The following RERE variants were observed in gnomAD, a reference collection of about 807,000 sequenced individuals.
The protein encoded by RERE is arginine-glutamic acid dipeptide repeats, also known as arginine-glutamic acid dipeptide repeats protein.
In RERE, 40 loss-of-function variants were observed where a neutral mutation model predicts 146.1. The ratio of observed to expected loss-of-function variants is 0.27; its 90% CI spans 0.21 to 0.36. RERE has a LOEUF of 0.36. RERE is among the 10% of genes least tolerant of loss of function. The pLI is 1.00. For synonymous variants in RERE, 1,003 were observed against 866.0 expected (o/e 1.16, Z -2.78); for missense variants, 1,933 against 2,138.7 (o/e 0.90, Z 1.90).
Position 8,546,998 on chromosome 1 carries a change from T to TA in RERE, c.726-5681dup, listed in dbSNP as rs549592216. Among the ~76,000 whole-genome samples, 26 of 151,936 alleles carry TA rather than the reference T, an allele frequency of 1.7e-4. 1 individual carries two copies. The highest frequency in any genetic ancestry group is 6.0e-4 in the African/African-American group (25 of 41,466). ...AACAATGGTAAAACATCCATGTTCT[T>TA]AGATAGGAAAACTCAAACTGGCATT... On this transcript the variant is annotated intron_variant, in intron 6 of 22. Transcript: ENST00000400908.
At chr1:8,510,277 G>A (rs950814959) in intron 7 of RERE, among the ~76,000 whole-genome samples, 2 of 152,030 alleles carry the variant, frequency 1.3e-5, no homozygotes, top group African/African-American at 4.8e-5. Context: ...CCAAAATGAG[G>A]CGGCTTCAAG....
chr1:8,549,717 A>C (rs1645911078), intron 6 of RERE, among the ~76,000 whole-genome samples: 1 of 152,238 alleles, frequency 6.6e-6, no homozygotes, highest in Non-Finnish European at 1.5e-5. Flanking sequence ...AGCCACATTC[A>C]TCAAGTGGAC....
intron 1 of RERE, among the ~76,000 whole-genome samples, chr1:8,755,267 T>C (rs761021745): frequency 6.6e-6 from 1 of 152,206 alleles, no homozygotes. Flanking sequence ...AGTCAAAACA[T>C]CTGGTGCACC....
At chr1:8,587,214 T>C (rs1365939136) in intron 4 of RERE, among the ~76,000 whole-genome samples, 2 of 152,184 alleles carry the variant, frequency 1.3e-5, no homozygotes, top group African/African-American at 4.8e-5. Flanking sequence ...GCTTTAAAAT[T>C]ATGGAGACTT....
intron 10 of RERE, among the ~76,000 whole-genome samples, chr1:8,471,433 C>T (rs1029940390): frequency 2.0e-5 from 3 of 151,950 alleles, no homozygotes; most frequent in Admixed American, 6.6e-5. Context: ...CCACTTCAGC[C>T]GCCCAAGTAC....
chr1:8,714,646 A>G (rs1038747028), intron 1 of RERE, among the ~76,000 whole-genome samples: 1 of 152,202 alleles, frequency 6.6e-6, no homozygotes, highest in African/African-American at 2.4e-5. Flanking sequence ...TCTTCTTCCA[A>G]CAACTCAGTG....
intron 1 of RERE, among the ~76,000 whole-genome samples, chr1:8,809,709 A>G (rs1422848365): frequency 6.6e-6 from 1 of 152,254 alleles, no homozygotes; most frequent in Non-Finnish European, 1.5e-5. Context: ...AGTCAATAAA[A>G]TGTTTTTCAG....
At chr1:8,596,805 C>T (rs1646560380) in intron 4 of RERE, among the ~76,000 whole-genome samples, 1 of 151,946 alleles carries the variant, frequency 6.6e-6, no homozygotes, top group South Asian at 2.1e-4. Context: ...AGCTAACACA[C>T]CTGGCCAGAA....
chr1:8,455,654 C>A (rs1644445564), intron 11 of RERE, among the ~76,000 whole-genome samples: 1 of 152,178 alleles, frequency 6.6e-6, no homozygotes, highest in African/African-American at 2.4e-5. Context: ...GAGGTCACTG[C>A]ACTGAAGCAA....
Position 8,615,785 on chromosome 1 carries a change from GAC to G in RERE, c.397-1101_397-1100del, listed in dbSNP as rs147492891. ...AAGTCTCTTAAGCTCCCTACACATA[GAC>G]ACACACACACACACACAAAACAAAA... On this transcript the variant is annotated intron_variant, in intron 3 of 22. Coordinates refer to ENST00000400908, the MANE Select transcript of RERE (RefSeq NM_001042681.2). Among the ~76,000 whole-genome samples, 31 of 150,424 alleles carry G rather than the reference GAC, an allele frequency of 2.1e-4. 1 individual carries two copies. The highest frequency in any genetic ancestry group is 6.1e-4 in the African/African-American group (25 of 41,072).
intron 3 of RERE, among the ~76,000 whole-genome samples, chr1:8,623,838 C>A (rs1232698236): frequency 6.6e-6 from 1 of 152,142 alleles, no homozygotes; most frequent in African/African-American, 2.4e-5. Context: ...TTCTTTCAAC[C>A]GCTACCCCGG....
intron 12 of RERE, among the ~76,000 whole-genome samples, chr1:8,370,273 C>T (rs1459608872): frequency 6.6e-6 from 1 of 151,630 alleles, no homozygotes; most frequent in Non-Finnish European, 1.5e-5. Context: ...ACGGTGGGTG[C>T]TGCGTGAGTC....
chr1:8,553,808 T>A (rs535793419), intron 6 of RERE, among the ~76,000 whole-genome samples: 14 of 152,212 alleles, frequency 9.2e-5, no homozygotes, highest in African/African-American at 1.9e-4. Flanking sequence ...AAACATCTGA[T>A]TGTAAACTTA....
rs75885873 is a variant in RERE at position 8,397,522 on chromosome 1, C to A, written c.1284+25205G>T. The stretch of plus-strand genomic sequence containing the variant: ...CTTAGCAACCATTCTGTAAAATGTA[C>A]CAAGGAACAAAACCTTTCTGATCCC... On this transcript the variant is annotated intron_variant, in intron 12 of 22. Coordinates refer to ENST00000400908, the MANE Select transcript of RERE (RefSeq NM_001042681.2). 2.0e-5 allele frequency among the ~76,000 whole-genome samples: 3 copies of A among 151,520 alleles called. No individual in the cohort carries two copies. In the East Asian group the frequency reaches 5.8e-4, roughly 29 times the overall value.
chr1:8,471,510 G>A (rs971076623), intron 10 of RERE, among the ~76,000 whole-genome samples: 3 of 143,044 alleles, frequency 2.1e-5, no homozygotes, highest in Admixed American at 7.1e-5. Context: ...CATGCTGCCC[G>A]GGGTTGCTTT....
At chr1:8,484,374 ACTT>A (rs1644871623) in intron 10 of RERE, among the ~76,000 whole-genome samples, 2 of 152,052 alleles carry the variant, frequency 1.3e-5, no homozygotes, top group African/African-American at 4.8e-5. Flanking sequence ...AAACACCATT[ACTT>A]CTTCATATTT....
chr1:8,665,840 G>A (rs1257007279), intron 1 of RERE, among the ~76,000 whole-genome samples: 1 of 152,180 alleles, frequency 6.6e-6, no homozygotes, highest in African/African-American at 2.4e-5. Context: ...GGATACATCT[G>A]AGAGAGAAAA....
intron 1 of RERE, among the ~76,000 whole-genome samples, chr1:8,812,943 TAA>T (rs898887859): frequency 3.3e-5 from 5 of 149,562 alleles, no homozygotes; most frequent in South Asian, 2.1e-4. Flanking sequence ...CTCCATTATT[TAA>T]AAAAAAAACA....
chr1:8,461,793 A>C (rs1254406972), intron 11 of RERE, among the ~76,000 whole-genome samples: 2 of 152,178 alleles, frequency 1.3e-5, no homozygotes, highest in Non-Finnish European at 2.9e-5. Flanking sequence ...GAGGAGTAGG[A>C]AGAACAAGAA....
Sources: allele counts gnomAD v4.1 joint callset (sites outside exome capture counted in the v4.1 genomes callset), GRCh38; gene constraint gnomAD v4.1.1; transcripts MANE v1.5; gene names NCBI Gene and HGNC (gene_info 2026-07-23, HGNC 2026-07-21).